DDC: variants seen among roughly 807,000 people sequenced by gnomAD.
DDC encodes aromatic-L-amino-acid decarboxylase.
In DDC, 43 loss-of-function variants were observed where a neutral mutation model predicts 60.0. The ratio of observed to expected loss-of-function variants is 0.72; its 90% confidence interval spans 0.56 to 0.92. The LOEUF (loss-of-function observed/expected upper bound fraction) is 0.92. Among genes scored for constraint, DDC ranks in the 40% least tolerant of loss-of-function variants. DDC has a pLI of 0.00. For missense variants in DDC, 573 were observed against 620.2 expected, an observed-to-expected ratio of 0.92 and a Z score of 0.81; for synonymous variants, 232 against 234.6, an observed-to-expected ratio of 0.99 and a Z score of 0.10.
At chr7:50,534,077 T>C (rs1420985509) in intron 4 of DDC, among the ~76,000 whole-genome samples, 1 of 152,232 alleles carries the variant, frequency 6.6e-6, no homozygotes, top group Non-Finnish European at 1.5e-5. Context: ...TAACATTTAT[T>C]GTTCCCCTTT....
At chr7:50,523,494 A>G (rs892186306) in intron 6 of DDC, among the ~76,000 whole-genome samples, 2 of 152,224 alleles carry the variant, frequency 1.3e-5, no homozygotes, top group Admixed American at 1.3e-4. Flanking sequence ...CAATCCAATT[A>G]AAAAGTGGGC....
At chr7:50,537,042 T>TTTG (rs1554432788) in intron 4 of DDC, among the ~76,000 whole-genome samples, 10 of 151,124 alleles carry the variant, frequency 6.6e-5, no homozygotes, top group African/African-American at 2.4e-4. Context: ...AAGTTGTTTT[T>TTTG]TTTTTTTTTT....
Position 50,532,407 on chromosome 7 carries a change from T to C in DDC, c.436-3065A>G, listed in dbSNP as rs1368835908. Among the ~76,000 whole-genome samples the C allele has an allele frequency of 3.4e-4, 52 of 152,202 alleles. 1 individual carries two copies. On this transcript the variant is annotated intron_variant, in intron 4 of 14. Transcript: ENST00000444124. ...GAGGTTGTCTTTAATGAAACGAAAA[T>C]GCAGCCCATAGTAGCATGCACATCT...
chr7:50,537,527 C>T lies in DDC; in HGVS notation c.435+333G>A, dbSNP rs146332860. Among the ~76,000 whole-genome samples the T allele has an allele frequency of 1.4e-3, 213 of 152,316 alleles. 1 individual carries two copies. Among genetic ancestry groups the T allele is most frequent in the Admixed American group, 4.2e-3 (64 of 15,308 alleles). ...CTGGAAAATGCTTAGGCACAGTGGC[C>T]GGCGATGGGGAACCCCACACAAACG... On this transcript the variant is annotated intron_variant, in intron 4 of 14. Transcript: ENST00000444124.
intron 1 of DDC, among the ~76,000 whole-genome samples, chr7:50,560,130 G>A (rs572503149): frequency 6.6e-6 from 1 of 152,260 alleles, no homozygotes; most frequent in African/African-American, 2.4e-5. Flanking sequence ...CAGGACTCCG[G>A]TGCCCCCAGC....
At chr7:50,553,500 T>TTTTTTG (rs2045081335) in intron 1 of DDC, among the ~76,000 whole-genome samples, 1 of 145,862 alleles carries the variant, frequency 6.9e-6, no homozygotes, top group African/African-American at 2.5e-5. Flanking sequence ...TTTTTTTTTT[T>TTTTTTG]TTTTGAGATG....
At chr7:50,468,332 A>G (rs11575512) in intron 12 of DDC, among the ~76,000 whole-genome samples, 8,009 of 152,274 alleles carry the variant, frequency 0.053, 488 homozygotes, top group African/African-American at 0.15. Flanking sequence ...AAAGAAGTGG[A>G]GTGTGTTTTA....
intron 1 of DDC, among the ~76,000 whole-genome samples, chr7:50,549,006 A>T (rs2044895992): frequency 6.6e-6 from 1 of 152,260 alleles, no homozygotes; most frequent in Non-Finnish European, 1.5e-5. Flanking sequence ...AAATGGAACA[A>T]CAAAGCCTGG....
chr7:50,481,955 A>C (rs1211126899), intron 9 of DDC, among the ~76,000 whole-genome samples: 1 of 152,220 alleles, frequency 6.6e-6, no homozygotes, highest in African/African-American at 2.4e-5. Flanking sequence ...ATTTTAGTGC[A>C]TGCACATATC....
chr7:50,532,719 C>T (rs1056981049), intron 4 of DDC, among the ~76,000 whole-genome samples: 1 of 152,216 alleles, frequency 6.6e-6, no homozygotes, highest in African/African-American at 2.4e-5. Context: ...TTATAATAGA[C>T]ACAGCTTATA....
At chr7:50,479,515 C>G (rs985476246) in intron 10 of DDC, among the ~76,000 whole-genome samples, 1 of 152,218 alleles carries the variant, frequency 6.6e-6, no homozygotes, top group Non-Finnish European at 1.5e-5. Flanking sequence ...AATCCCATGG[C>G]TGTGCCCACC....
In DDC at chr7:50,499,104, A is replaced by G. The variant is rs201766904; in HGVS notation, c.876+44T>C. On this transcript the variant is annotated intron_variant, in intron 8 of 14. Transcript: ENST00000444124. ...TCATGAAGGGAGAGGTCAATAACAG[A>G]GCACTGTGAAAACAGCCTTAGGGAG... is the stretch of plus-strand genomic sequence containing the variant. 4.5e-4 allele frequency: 641 copies of G among 1,412,982 alleles called. 1 individual carries two copies. In the African/African-American group the frequency reaches 8.4e-3, roughly 18 times the overall value. 87.5% of individuals were successfully genotyped at this position (1,412,982 alleles called of 1,614,324 possible).
intron 9 of DDC, among the ~76,000 whole-genome samples, chr7:50,490,359 G>T: frequency 6.6e-6 from 1 of 152,172 alleles, no homozygotes; most frequent in Non-Finnish European, 1.5e-5. Flanking sequence ...ATCCTTGACT[G>T]GGACTGAGGC....
intron 3 of DDC, 73 bp from the exon 4 acceptor site, chr7:50,538,052 G>C: frequency 1.3e-6 from 2 of 1,573,176 alleles, no homozygotes. Context: ...AGTAACAAGG[G>C]GATTTAACCT....
At chr7:50,483,835 T>C (rs2876828) in intron 9 of DDC, among the ~76,000 whole-genome samples, 116,588 of 150,912 alleles carry the variant, frequency 0.77, 45,193 homozygotes, top group Admixed American at 0.84. Flanking sequence ...ACCTGGGAGG[T>C]GGAGCTTGCA....
chr7:50,516,706 A>G (rs901164183), intron 6 of DDC, among the ~76,000 whole-genome samples: 6 of 152,332 alleles, frequency 3.9e-5, no homozygotes, highest in African/African-American at 1.4e-4. Flanking sequence ...AAAAGAAGAC[A>G]GAGAATCCAA....
chr7:50,527,059 C>A (rs968071748), intron 6 of DDC, among the ~76,000 whole-genome samples: 7 of 152,040 alleles, frequency 4.6e-5, no homozygotes, highest in Non-Finnish European at 1.0e-4. Flanking sequence ...ATTTGCATTT[C>A]TTTGGTTATT....
chr7:50,479,494 G>A (rs1169871756), intron 10 of DDC, among the ~76,000 whole-genome samples: 2 of 152,200 alleles, frequency 1.3e-5, no homozygotes, highest in African/African-American at 2.4e-5. Flanking sequence ...TGGTATGCAT[G>A]CCCATATTAA....
intron 6 of DDC, among the ~76,000 whole-genome samples, chr7:50,518,117 A>G (rs1055655888): frequency 1.3e-5 from 2 of 151,642 alleles, no homozygotes; most frequent in African/African-American, 4.8e-5. Flanking sequence ...AGGCTGAGGC[A>G]GGAGAATGGC....
Sources: gnomAD v4.1 joint callset for allele counts (sites outside exome capture counted in the v4.1 genomes callset) on GRCh38, gnomAD v4.1.1 for gene constraint, MANE v1.5 for transcripts, NCBI Gene and HGNC (gene_info 2026-07-23, HGNC 2026-07-21) for gene names.